Variants in BMPR1B observed in about 807,000 individuals in gnomAD.
BMPR1B encodes the protein bone morphogenetic protein receptor type 1B.
Under a neutral mutation model 59.1 loss-of-function variants are expected in BMPR1B, and 12 were observed. The observed-to-expected ratio is 0.20, with a 90% CI of 0.13 to 0.33. The LOEUF is 0.33. Ranked by LOEUF, BMPR1B falls within the 10% of genes least tolerant of loss-of-function variation. The pLI is 1.00. For missense variants in BMPR1B, 550 were observed against 610.9 expected, an observed-to-expected ratio of 0.90 and a Z score of 1.05; for synonymous variants, 237 against 207.3, an observed-to-expected ratio of 1.14 and a Z score of -1.23.
intron 2 of BMPR1B, among the ~76,000 whole-genome samples, chr4:94,975,668 A>G (rs1731004928): frequency 6.6e-6 from 1 of 152,102 alleles, no homozygotes; most frequent in Non-Finnish European, 1.5e-5. Context: ...GCATGAGCCA[A>G]TTTGTTTTTT....
intron 3 of BMPR1B, among the ~76,000 whole-genome samples, chr4:94,997,095 CT>C (rs1722112071): frequency 6.6e-6 from 1 of 152,104 alleles, no homozygotes; most frequent in Non-Finnish European, 1.5e-5. Flanking sequence ...GAACTGTGGC[CT>C]TAACTAGAGG....
At chr4:94,908,631 C>A (rs1022068535) in intron 2 of BMPR1B, among the ~76,000 whole-genome samples, 3 of 151,858 alleles carry the variant, frequency 2.0e-5, no homozygotes, top group South Asian at 4.2e-4. Context: ...AGCTTCAATC[C>A]TTTTATTATA....
intron 1 of BMPR1B, among the ~76,000 whole-genome samples, chr4:94,825,280 A>G (rs941840739): frequency 6.6e-6 from 1 of 152,108 alleles, no homozygotes; most frequent in Non-Finnish European, 1.5e-5. Context: ...AGGCAGGAGG[A>G]TCTATTGAGC....
rs551977208 is a variant in BMPR1B at position 95,082,556 on chromosome 4, A to T, written c.-17-21852A>T. Reference sequence around the variant, plus strand: ...GGGGATAAATGATTACATCTCATTTAATCTCCCAAACTCCATAAAGTGTAA... The same window carrying T: ...GGGGATAAATGATTACATCTCATTTTATCTCCCAAACTCCATAAAGTGTAA... On this transcript the variant is annotated intron_variant, in intron 3 of 12. Transcript: ENST00000515059. Among the ~76,000 whole-genome samples the T allele has an allele frequency of 9.9e-5, 15 of 152,276 alleles. No homozygotes were observed. In the South Asian group the frequency reaches 3.1e-3, roughly 32 times the overall value.
chr4:94,924,300 C>G (rs534272401), intron 2 of BMPR1B, among the ~76,000 whole-genome samples: 7 of 152,212 alleles, frequency 4.6e-5, no homozygotes, highest in African/African-American at 1.7e-4. Flanking sequence ...TTACTGTACT[C>G]TTAAGTTGGA....
At chr4:95,141,808 T>G (rs1734248883) in intron 10 of BMPR1B, among the ~76,000 whole-genome samples, 1 of 150,804 alleles carries the variant, frequency 6.6e-6, no homozygotes. Context: ...TAAATTAAAA[T>G]AAAAAACCTG....
chr4:94,997,515 G>T (rs1021827913), intron 3 of BMPR1B, among the ~76,000 whole-genome samples: 1 of 152,148 alleles, frequency 6.6e-6, no homozygotes, highest in Non-Finnish European at 1.5e-5. Context: ...GATGCAAAAT[G>T]TTTCAAAATT....
At chr4:94,923,850 T>A (rs1216203939) in intron 2 of BMPR1B, among the ~76,000 whole-genome samples, 3 of 152,116 alleles carry the variant, frequency 2.0e-5, no homozygotes, top group Non-Finnish European at 4.4e-5. Flanking sequence ...GTTCTAGATC[T>A]CTTTGACTGT....
intron 1 of BMPR1B, among the ~76,000 whole-genome samples, chr4:94,872,182 C>A (rs1726526497): frequency 6.6e-6 from 1 of 152,144 alleles, no homozygotes; most frequent in Non-Finnish European, 1.5e-5. Context: ...TCACAAGGCA[C>A]TTTTAAAATC....
chr4:94,793,863 T>G (rs1417724890), intron 1 of BMPR1B, among the ~76,000 whole-genome samples: 88 of 151,680 alleles, frequency 5.8e-4, no homozygotes, highest in African/African-American at 2.1e-3. Context: ...TTTGATGGGA[T>G]TGTTTGTTTT....
intron 4 of BMPR1B, among the ~76,000 whole-genome samples, chr4:95,113,552 G>A (rs1489379067): frequency 6.6e-6 from 1 of 152,046 alleles, no homozygotes; most frequent in African/African-American, 2.4e-5. Context: ...TATCTGTCTT[G>A]GACGCTGAGC....
intron 3 of BMPR1B, among the ~76,000 whole-genome samples, chr4:95,055,379 A>G (rs1241994297): frequency 6.6e-6 from 1 of 152,186 alleles, no homozygotes; most frequent in Non-Finnish European, 1.5e-5. Context: ...TAGAATGATA[A>G]TATTGCTATG....
chr4:94,799,378 A>G (rs1723317063), intron 1 of BMPR1B, among the ~76,000 whole-genome samples: 1 of 148,880 alleles, frequency 6.7e-6, no homozygotes, highest in Admixed American at 6.8e-5. Flanking sequence ...ATCTCGGCTC[A>G]CTGCAACCTC....
chr4:94,800,387 T>A (rs1723360654), intron 1 of BMPR1B, among the ~76,000 whole-genome samples: 3 of 152,154 alleles, frequency 2.0e-5, no homozygotes, highest in Admixed American at 2.0e-4. Flanking sequence ...TAGAAATTTG[T>A]GTAAGAATTA....
At chr4:95,120,781 C>T (rs953138656) in intron 6 of BMPR1B, among the ~76,000 whole-genome samples, 1 of 149,144 alleles carries the variant, frequency 6.7e-6, no homozygotes, top group African/African-American at 2.5e-5. Context: ...TCCTCCCTTC[C>T]CTTCCCTCCC....
chr4:94,949,170 G>A (rs887387379), intron 2 of BMPR1B, among the ~76,000 whole-genome samples: 5 of 152,020 alleles, frequency 3.3e-5, no homozygotes, highest in African/African-American at 1.2e-4. Flanking sequence ...TCCCCTCCCT[G>A]TGCCCATATG....
intron 3 of BMPR1B, among the ~76,000 whole-genome samples, chr4:95,011,286 T>C (rs1723210008): frequency 6.6e-6 from 1 of 152,158 alleles, no homozygotes; most frequent in East Asian, 1.9e-4. Context: ...TTCTTTCTTA[T>C]CATTTAGCTC....
chr4:94,943,399 C>T (rs960748065), intron 2 of BMPR1B, among the ~76,000 whole-genome samples: 1 of 152,136 alleles, frequency 6.6e-6, no homozygotes, highest in Non-Finnish European at 1.5e-5. Flanking sequence ...GCTGGGATTA[C>T]AGGCGTGAGC....
At chr4:94,785,449 C>G (rs1324246919) in intron 1 of BMPR1B, among the ~76,000 whole-genome samples, 2 of 152,106 alleles carry the variant, frequency 1.3e-5, no homozygotes, top group African/African-American at 4.8e-5. Context: ...ATGACCACAG[C>G]TTTCAATGAT....
Sources: allele counts gnomAD v4.1 joint callset (sites outside exome capture counted in the v4.1 genomes callset), GRCh38; gene constraint gnomAD v4.1.1; transcripts MANE v1.5; gene names NCBI Gene and HGNC (gene_info 2026-07-23, HGNC 2026-07-21).